Variants in PGF observed in about 807,000 individuals in gnomAD.
The protein encoded by PGF is placenta growth factor.
PGF carries 11 observed loss-of-function variants against 25.3 expected under a neutral mutation model. That is an observed-to-expected ratio of 0.43 (90% CI 0.27 to 0.72). The LOEUF (loss-of-function observed/expected upper bound fraction) is 0.72. Ranked by LOEUF, PGF falls within the 30% of genes least tolerant of loss-of-function variation. The probability of loss-of-function intolerance (pLI) is 0.18; values close to 1 mark genes in which losing one functional copy is unlikely to be tolerated. For missense variants in PGF, 230 were observed against 234.9 expected, an observed-to-expected ratio of 0.98 and a Z score of 0.14; for synonymous variants, 105 against 97.9, an observed-to-expected ratio of 1.07 and a Z score of -0.43.
At chr14:74,952,752 C>T (rs899693248) in intron 2 of PGF, among the ~76,000 whole-genome samples, 3 of 152,166 alleles carry the variant, frequency 2.0e-5, no homozygotes, top group Admixed American at 6.5e-5. Context: ...GGCCTCCCCA[C>T]CTCAAATCCT....
intron 6 of PGF, among the ~76,000 whole-genome samples, chr14:74,944,254 C>CA (rs1403314867): frequency 1.3e-5 from 2 of 151,890 alleles, no homozygotes; most frequent in Non-Finnish European, 2.9e-5. Flanking sequence ...AGGCACCCAC[C>CA]ACCACACCCG....
chr14:74,948,354 G>T (rs1468690786), intron 4 of PGF, 153 bp downstream of exon 4: 25 of 516,076 alleles, frequency 4.8e-5, no homozygotes, highest in Non-Finnish European at 8.8e-5. Context: ...AGCCACCCCT[G>T]GTCCTGCCCT....
In PGF at chr14:74,942,407, A is replaced by G; in HGVS notation, c.*299T>C. The G allele has an allele frequency of 2.5e-6, 1 of 397,800 alleles. No individual in the cohort carries two copies. The highest frequency in any genetic ancestry group is 4.5e-6 in the Non-Finnish European group (1 of 221,332). The allele number at this position is 397,800 out of a possible 1,614,324, so 24.6% of individuals were successfully genotyped here. On this transcript the variant is annotated 3_prime_UTR_variant, in exon 7 of 7. Transcript: ENST00000555567. The stretch of plus-strand genomic sequence containing the variant: ...CTTCTTTCCTTCTGCAGGCCCCTGG[A>G]GACCTCCAGGGCCTCTGGGGCCTAG...
chr14:74,955,120 TG>T lies in PGF; in HGVS notation c.75+47del. 1 of 1,098,822 alleles carries T rather than the reference TG, an allele frequency of 9.1e-7. No homozygotes were observed. Among genetic ancestry groups the T allele is most frequent in the Non-Finnish European group, 1.2e-6 (1 of 800,426 alleles). The allele number at this position is 1,098,822 out of a possible 1,614,324, so 68.1% of individuals were successfully genotyped here. ...TTTCAGAGTCCCATGCTTCCAGTGC[TG>T]GGATGGGGAGGTCTGGGGAGCCAGG... is the stretch of plus-strand genomic sequence containing the variant. On this transcript the variant is annotated intron_variant, in intron 1 of 6. Transcript: ENST00000555567. This position sits in a 1 kb window ranked among gnomAD's most constrained non-coding sequence, Gnocchi z 4.1.
chr14:74,952,661 T>C (rs1888898928), intron 2 of PGF, among the ~76,000 whole-genome samples: 1 of 152,202 alleles, frequency 6.6e-6, no homozygotes, highest in African/African-American at 2.4e-5. Flanking sequence ...GCAAAGCTCG[T>C]TGTACTTCTC....
Position 74,955,437 on chromosome 14 carries a change from GGCTGGGGA to G in PGF, c.-203_-196del. 2.5e-6 allele frequency: 1 copy of G among 400,558 alleles called. No homozygotes were observed. Among genetic ancestry groups the G allele is most frequent in the East Asian group, 3.6e-5 (1 of 27,874 alleles). 24.8% of individuals were successfully genotyped at this position (400,558 alleles called of 1,614,324 possible). ...GTCAGGAGCCCGTAGGTAAGGCTGT[GGCTGGGGA>G]ACCCGACGGGGAGCGGCCCGGCGGG... On this transcript the variant is annotated 5_prime_UTR_variant, in exon 1 of 7. Coordinates refer to ENST00000555567, the MANE Select transcript of PGF (RefSeq NM_002632.6). The surrounding 1 kb of genome is among the most constrained non-coding windows in gnomAD (Gnocchi z 4.1).
chr14:74,953,954 CA>C lies in PGF; in HGVS notation c.76-9del, dbSNP rs959795251. On this transcript the variant is annotated splice_polypyrimidine_tract_variant and intron_variant, in intron 1 of 6. Transcript: ENST00000555567. This position sits in a 1 kb window ranked among gnomAD's most constrained non-coding sequence, Gnocchi z 5.4. The stretch of plus-strand genomic sequence containing the variant: ...AGCAGACAAGGCCCACTGCTATGGA[CA>C]GAAAAGTGCAGAGGTGAGCTGGGGG... 3.1e-6 allele frequency: 5 copies of C among 1,613,728 alleles called. No homozygotes were observed. The African/African-American group carries it at 6.7e-5, about 22-fold the overall frequency.
At chr14:74,954,731 G>A (rs905681261) in intron 1 of PGF, among the ~76,000 whole-genome samples, 1 of 152,006 alleles carries the variant, frequency 6.6e-6, no homozygotes, top group African/African-American at 2.4e-5. Context: ...CCTGGTGGGG[G>A]CAGGGCCAGC....
At chr14:74,954,337 A>T in intron 1 of PGF, 1 of 241,620 alleles carries the variant, frequency 4.1e-6, no homozygotes, top group Non-Finnish European at 8.3e-6. Flanking sequence ...AGCTGGTGGG[A>T]GCTGAGGGGC....
intron 4 of PGF, chr14:74,947,128 C>A: frequency 2.1e-6 from 1 of 474,528 alleles, no homozygotes; most frequent in Non-Finnish European, 3.7e-6. Context: ...GGGCAAGGTA[C>A]CAGGGCCTCT....
chr14:74,946,534 TAGGGGGTAGCATGGAGTTGGCA>T, intron 4 of PGF, 126 bp from the exon 5 acceptor site: 1 of 870,448 alleles, frequency 1.1e-6, no homozygotes, highest in Non-Finnish European at 1.8e-6. Context: ...CTGAGGCCAC[TAGGGGGTAGCATGGAGTTGGCA>T]AGGGAGAGGT....
chr14:74,948,724 G>T (rs2140405686), intron 3 of PGF, 141 bp from the exon 4 acceptor site: 1 of 521,450 alleles, frequency 1.9e-6, no homozygotes, highest in Non-Finnish European at 3.4e-6. Flanking sequence ...CTCTGAACGT[G>T]GGGCAAACAG....
rs1888610593 is a variant in PGF at position 74,941,955 on chromosome 14, T to G, written c.*751A>C. On this transcript the variant is annotated 3_prime_UTR_variant, in exon 7 of 7. Coordinates refer to ENST00000555567, the MANE Select transcript of PGF (RefSeq NM_002632.6). ...CTGCTCCCCTGCCACTGCCTTCAGC[T>G]GGGACGCACAGGCTCCTCCCCTGGT... 1 of 152,710 alleles carries G rather than the reference T, an allele frequency of 6.5e-6. No homozygotes were observed. Among genetic ancestry groups the G allele is most frequent in the South Asian group, 2.1e-4 (1 of 4,838 alleles). 9.5% of individuals were successfully genotyped at this position (152,710 alleles called of 1,614,324 possible). A position where few individuals can be genotyped will look rare whatever the true frequency, so the allele number is the denominator to read the frequency against.
chr14:74,952,449 T>C (rs532197358), intron 2 of PGF, among the ~76,000 whole-genome samples: 23 of 152,398 alleles, frequency 1.5e-4, no homozygotes, highest in African/African-American at 5.3e-4. Flanking sequence ...TCTCTGAGCC[T>C]CAGGGCCTGC....
Position 74,950,458 on chromosome 14 carries a change from T to G in PGF, c.119-905A>C, listed in dbSNP as rs1176599141. Among the ~76,000 whole-genome samples the G allele has an allele frequency of 6.6e-6, 1 of 152,180 alleles. No individual in the cohort carries two copies. The highest frequency in any genetic ancestry group is 2.4e-5 in the African/African-American group (1 of 41,444). Reference sequence around the variant, plus strand: ...TGATTAGATGACATTTCACTGAGGATCATCCGGGTCATCCCTGACCTCACG... The same window carrying G: ...TGATTAGATGACATTTCACTGAGGAGCATCCGGGTCATCCCTGACCTCACG... On this transcript the variant is annotated intron_variant, in intron 2 of 6. Coordinates refer to ENST00000555567, the MANE Select transcript of PGF (RefSeq NM_002632.6). This position sits in a 1 kb window ranked among gnomAD's most constrained non-coding sequence, Gnocchi z 4.1.
At chr14:74,949,607 C>T in intron 2 of PGF, 54 bp from the exon 3 acceptor site, 1 of 1,389,438 alleles carries the variant, frequency 7.2e-7, no homozygotes, top group Non-Finnish European at 9.5e-7. Context: ...CCCCTTGAAG[C>T]CCTAAACCTG....
Position 74,950,142 on chromosome 14 carries a change from T to C in PGF, c.119-589A>G, listed in dbSNP as rs1594988269. ...CACCACATTCACTCCCAGCTCTGGC[T>C]TGTGCACTCTGCAGCCCGTACAGCT... On this transcript the variant is annotated intron_variant, in intron 2 of 6. Transcript: ENST00000555567. The surrounding 1 kb of genome is among the most constrained non-coding windows in gnomAD (Gnocchi z 4.1). Among the ~76,000 whole-genome samples the C allele has an allele frequency of 6.6e-6, 1 of 152,290 alleles. No individual in the cohort carries two copies. Among genetic ancestry groups the C allele is most frequent in the East Asian group, 1.9e-4 (1 of 5,180 alleles).
chr14:74,946,286 C>A lies in PGF; in HGVS notation c.423-11G>T. Reference sequence around the variant, plus strand: ...CCCTTGGGTCTCCTCCTGCAATAAGCCAAGCGTCAGGACAAGGTGGCTGGG... The same window carrying A: ...CCCTTGGGTCTCCTCCTGCAATAAGACAAGCGTCAGGACAAGGTGGCTGGG... On this transcript the variant is annotated splice_polypyrimidine_tract_variant and intron_variant, in intron 5 of 6. Transcript: ENST00000555567. 3 of 1,614,214 alleles carry A rather than the reference C, an allele frequency of 1.9e-6. No individual in the cohort carries two copies. Among genetic ancestry groups the A allele is most frequent in the Non-Finnish European group, 2.5e-6 (3 of 1,180,014 alleles).
chr14:74,947,084 T>A (rs1888756658), intron 4 of PGF: 2 of 511,940 alleles, frequency 3.9e-6, no homozygotes, highest in African/African-American at 3.8e-5. Flanking sequence ...GGCCAGGACA[T>A]GCTACCCTCA....
Sources: allele counts gnomAD v4.1 joint callset (sites outside exome capture counted in the v4.1 genomes callset), GRCh38; gene constraint gnomAD v4.1.1; non-coding constraint Gnocchi (gnomAD v3.1); transcripts MANE v1.5; gene names NCBI Gene and HGNC (gene_info 2026-07-23, HGNC 2026-07-21).